Variants in STXBP5L observed in about 807,000 individuals in gnomAD.
The protein encoded by STXBP5L is syntaxin binding protein 5L, also known as syntaxin-binding protein 5-like.
STXBP5L carries 65 observed loss-of-function variants against 144.5 expected under a neutral mutation model. The observed-to-expected ratio is 0.45, with a 90% CI of 0.37 to 0.55. The LOEUF (loss-of-function observed/expected upper bound fraction) is 0.55, where lower values mean the gene tolerates loss of function less well. Among genes scored for constraint, STXBP5L ranks in the 20% least tolerant of loss-of-function variants. STXBP5L has a pLI of 0.00. For synonymous variants in STXBP5L, 505 were observed against 469.6 expected (o/e 1.08, Z -0.97); for missense variants, 1,298 against 1,405.5 (o/e 0.92, Z 1.22).
chr3:121,337,194 A>G, intron 20 of STXBP5L, among the ~76,000 whole-genome samples: 1 of 151,608 alleles, frequency 6.6e-6, no homozygotes, highest in Non-Finnish European at 1.5e-5. Context: ...ACAAACCCCC[A>G]TGACATGAGT....
intron 3 of STXBP5L, among the ~76,000 whole-genome samples, chr3:121,018,709 G>T (rs545479644): frequency 6.6e-6 from 1 of 152,160 alleles, no homozygotes; most frequent in African/African-American, 2.4e-5. Flanking sequence ...AAAAGAATCG[G>T]TAACTTGGAT....
intron 20 of STXBP5L, among the ~76,000 whole-genome samples, chr3:121,339,028 T>C (rs1302257252): frequency 6.6e-6 from 1 of 152,012 alleles, no homozygotes; most frequent in Non-Finnish European, 1.5e-5. Context: ...AAAGAAGGAA[T>C]CCTTCCTAAC....
intron 19 of STXBP5L, among the ~76,000 whole-genome samples, chr3:121,303,268 C>T (rs1338416009): frequency 1.1e-4 from 17 of 152,050 alleles, no homozygotes; most frequent in Admixed American, 1.0e-3. Flanking sequence ...CCAAAAGACA[C>T]ATGAAAAAAT....
chr3:120,916,389 C>G (rs1225041551), intron 2 of STXBP5L, among the ~76,000 whole-genome samples: 1 of 152,120 alleles, frequency 6.6e-6, no homozygotes, highest in Non-Finnish European at 1.5e-5. Flanking sequence ...CAACCTCCAT[C>G]TCCTGGGTTC....
chr3:121,197,891 A>G (rs757097642), intron 9 of STXBP5L, among the ~76,000 whole-genome samples: 1 of 152,198 alleles, frequency 6.6e-6, no homozygotes, highest in Non-Finnish European at 1.5e-5. Flanking sequence ...AATCCAGTCT[A>G]TCACTGATGG....
chr3:120,931,379 G>A (rs929233455), intron 2 of STXBP5L, among the ~76,000 whole-genome samples: 19 of 152,140 alleles, frequency 1.2e-4, no homozygotes, highest in Admixed American at 1.0e-3. Flanking sequence ...TATTCTTACA[G>A]TTATCACTAC....
At chr3:120,975,266 G>T (rs1232577154) in intron 3 of STXBP5L, among the ~76,000 whole-genome samples, 1 of 152,250 alleles carries the variant, frequency 6.6e-6, no homozygotes, top group East Asian at 1.9e-4. Flanking sequence ...CACGTCCCTT[G>T]TAAGTTGGAT....
intron 2 of STXBP5L, among the ~76,000 whole-genome samples, chr3:120,925,687 G>GTT (rs1167864005): frequency 6.6e-6 from 1 of 152,146 alleles, no homozygotes; most frequent in Non-Finnish European, 1.5e-5. Flanking sequence ...ACTATTGCAT[G>GTT]TTTTCTGGTT....
intron 10 of STXBP5L, 36 bp from the exon 11 acceptor site, chr3:121,222,967 G>C (rs767229311): frequency 6.4e-7 from 1 of 1,563,150 alleles, no homozygotes; most frequent in Non-Finnish European, 8.6e-7. Context: ...CATTTTAAAG[G>C]ACTTCTGAGT....
chr3:121,080,006 G>A (rs994317310), intron 5 of STXBP5L, among the ~76,000 whole-genome samples: 1 of 152,190 alleles, frequency 6.6e-6, no homozygotes, highest in African/African-American at 2.4e-5. Context: ...GGGAGCTCCA[G>A]TGTTAGGTGG....
At position 120,977,664 on chromosome 3, in the gene STXBP5L, A is replaced by G. The variant is rs187548067; in HGVS notation, c.287+22627A>G. On this transcript the variant is annotated intron_variant, in intron 3 of 26. Transcript: ENST00000471454. Reference sequence around the variant, plus strand: ...TCGATGGTCTTTACAATTTGGCATGATTTTGCAGTGGCTGGTACCAGTTGT... The same window carrying G: ...TCGATGGTCTTTACAATTTGGCATGGTTTTGCAGTGGCTGGTACCAGTTGT... Among the ~76,000 whole-genome samples the G allele has an allele frequency of 3.7e-3, 564 of 152,098 alleles. 5 individuals are homozygous for G. The highest frequency in any genetic ancestry group is 0.011 in the Admixed American group (173 of 15,272).
At position 121,402,299 on chromosome 3, in the gene STXBP5L, T is replaced by G. The variant is rs1027588732; in HGVS notation, c.2588-4944T>G. Among the ~76,000 whole-genome samples the G allele has an allele frequency of 9.2e-5, 14 of 152,106 alleles. No individual in the cohort carries two copies. The South Asian group carries it at 1.2e-3, about 14-fold the overall frequency. ...TACATTCTAGATAGGAATTGAGAAGTTCCGTGGAAGTTGAGAGACAATTAA... is the reference window on the plus strand; with the variant it reads ...TACATTCTAGATAGGAATTGAGAAGGTCCGTGGAAGTTGAGAGACAATTAA... On this transcript the variant is annotated intron_variant, in intron 22 of 26. Transcript: ENST00000471454.
Position 120,909,647 on chromosome 3 carries a change from C to T in STXBP5L, c.69C>T (p.Ser23=). The change falls in exon 2 of 27, where the codon AGC becomes AGT. Residue 23 remains serine (S), a synonymous_variant. Transcript: ENST00000471454. ...LTASSPGSGS[S]SGSNSGGGAG... is the part of the protein sequence containing the mutation. ...CCTCCTCCCCTGGCAGTGGTAGCAG[C>T]AGTGGCAGTAACAGTGGTGGTGGGG... 6.2e-7 allele frequency: 1 copy of T among 1,613,678 alleles called. No homozygotes were observed. Among genetic ancestry groups the T allele is most frequent in the East Asian group, 2.2e-5 (1 of 44,816 alleles).
chr3:121,087,921 T>C (rs1242557502), intron 5 of STXBP5L, among the ~76,000 whole-genome samples: 1 of 152,148 alleles, frequency 6.6e-6, no homozygotes, highest in Non-Finnish European at 1.5e-5. Flanking sequence ...CCAGTTTGAA[T>C]GAAATGCAGA....
At chr3:121,241,668 C>T (rs1407247876) in intron 14 of STXBP5L, among the ~76,000 whole-genome samples, 1 of 152,124 alleles carries the variant, frequency 6.6e-6, no homozygotes, top group East Asian at 1.9e-4. Flanking sequence ...CTCCCTATCC[C>T]CTTCCCTGTG....
chr3:121,041,364 CACTT>C (rs1947141619), intron 3 of STXBP5L, among the ~76,000 whole-genome samples: 1 of 151,972 alleles, frequency 6.6e-6, no homozygotes, highest in Non-Finnish European at 1.5e-5. Flanking sequence ...GTTATTGACT[CACTT>C]TGAATTTATT....
rs1945665864 is a variant in STXBP5L at position 121,022,929 on chromosome 3, G to A, written c.288-18771G>A. Among the ~76,000 whole-genome samples, 5 of 152,158 alleles carry A rather than the reference G, an allele frequency of 3.3e-5. 1 individual carries two copies. In the South Asian group the frequency reaches 8.3e-4, roughly 25 times the overall value. On this transcript the variant is annotated intron_variant, in intron 3 of 26. Coordinates refer to ENST00000471454, the MANE Select transcript of STXBP5L (RefSeq NM_001308330.2). ...AGAGCAATTAGACAAGAGAAAGAAA[G>A]AAAGGGCATCCAAACTGGTAAAGAG...
In STXBP5L at chr3:120,960,034, A is replaced by G. The variant is rs141668112; in HGVS notation, c.287+4997A>G. ...GACAAAGGGCTAATATCCAGAATCT[A>G]CAAAGAACTCAAACAAAAATTTACC... is the stretch of plus-strand genomic sequence containing the variant. On this transcript the variant is annotated intron_variant, in intron 3 of 26. Coordinates refer to ENST00000471454, the MANE Select transcript of STXBP5L (RefSeq NM_001308330.2). Among the ~76,000 whole-genome samples the G allele has an allele frequency of 7.3e-3, 1,119 of 152,336 alleles. 8 individuals carry two copies. Among genetic ancestry groups the G allele is most frequent in the African/African-American group, 0.024 (995 of 41,568 alleles).
At chr3:121,196,704 G>A (rs898659146) in intron 9 of STXBP5L, among the ~76,000 whole-genome samples, 12 of 150,986 alleles carry the variant, frequency 7.9e-5, no homozygotes, top group Admixed American at 6.6e-5. Context: ...ATTCTGTCAC[G>A]CAGGCAGGAG....
Sources: allele counts gnomAD v4.1 joint callset (sites outside exome capture counted in the v4.1 genomes callset), GRCh38; gene constraint gnomAD v4.1.1; transcripts MANE v1.5; gene names NCBI Gene and HGNC (gene_info 2026-07-23, HGNC 2026-07-21).